Variants in ATRX observed in about 807,000 individuals in gnomAD.
The protein encoded by ATRX is chromatin remodeler ATRX.
ATRX carries 12 observed loss-of-function variants against 172.6 expected under a neutral mutation model. The ratio of observed to expected loss-of-function variants is 0.07; its 90% CI spans 0.04 to 0.11. The LOEUF (loss-of-function observed/expected upper bound fraction) is 0.11. Among genes scored for constraint, ATRX ranks in the 10% least tolerant of loss-of-function variants. The pLI, the probability that ATRX is intolerant of heterozygous loss-of-function variation, is 1.00. For synonymous variants in ATRX, 674 were observed against 594.7 expected (o/e 1.13, Z -1.94); for missense variants, 1,368 against 1,767.4 (o/e 0.77, Z 4.05).
intron 2 of ATRX, among the ~76,000 whole-genome samples, chrX:77,701,881 C>T (rs1351103902): frequency 9.1e-6 from 1 of 109,953 alleles, no homozygotes; most frequent in Non-Finnish European, 1.9e-5. Flanking sequence ...GCCTAGCCAA[C>T]ATGGCAAAAC....
At chrX:77,607,575 A>G (rs2066962946) in intron 22 of ATRX, among the ~76,000 whole-genome samples, 1 of 109,201 alleles carries the variant, frequency 9.2e-6, no homozygotes, top group Non-Finnish European at 1.9e-5. Context: ...TTAGCGGAGC[A>G]TGGTGGTGCA....
In ATRX at chrX:77,520,893, T is replaced by C. The variant is rs2063207760; in HGVS notation, c.7095A>G (p.Ser2365=). The part of the protein sequence containing the change: ...SAVWKENMNL[S]EAQVQALALS... ...ATGCTAACGCCTGTACTTGGGCCTC[T>C]GAGAGATTCATGTTCTCCTTCCACT... The change falls in exon 34 of 35, where the codon TCA becomes TCG. Residue 2365 remains serine, a synonymous_variant. Transcript: ENST00000373344. 2 of 1,209,698 alleles carry C rather than the reference T, an allele frequency of 1.7e-6. No individual in the cohort carries two copies. The highest frequency in any genetic ancestry group is 2.2e-6 in the Non-Finnish European group (2 of 893,553).
At chrX:77,785,455 T>C (rs1557207182) in intron 1 of ATRX, among the ~76,000 whole-genome samples, 2 of 109,016 alleles carry the variant, frequency 1.8e-5, no homozygotes, top group African/African-American at 3.3e-5. Flanking sequence ...AAGGCTTGTC[T>C]CCTGGGGCTG....
chrX:77,546,025 GC>G (rs1299347286), intron 30 of ATRX, among the ~76,000 whole-genome samples: 2 of 111,241 alleles, frequency 1.8e-5, no homozygotes, highest in African/African-American at 3.3e-5. Context: ...ATAACACTGT[GC>G]CTTTCCATAA....
At chrX:77,544,386 T>C (rs1382777137) in intron 30 of ATRX, among the ~76,000 whole-genome samples, 1 of 111,830 alleles carries the variant, frequency 8.9e-6, no homozygotes, top group Non-Finnish European at 1.9e-5. Context: ...TTCCCCCTTC[T>C]GATTAGCTCT....
At chrX:77,620,273 C>G in intron 20 of ATRX, 122 bp downstream of exon 20, 1 of 739,785 alleles carries the variant, frequency 1.4e-6, no homozygotes, top group Non-Finnish European at 2.0e-6. Context: ...TAAGATGAAC[C>G]TATGTAGATC....
intron 19 of ATRX, among the ~76,000 whole-genome samples, chrX:77,630,446 C>T (rs905600143): frequency 8.9e-6 from 1 of 111,768 alleles, no homozygotes; most frequent in African/African-American, 3.2e-5. Context: ...AACTTTGAGA[C>T]AGAAAAATAA....
chrX:77,663,586 C>T (rs1557124241), intron 11 of ATRX, 28 bp from the exon 12 acceptor site: 2 of 1,151,584 alleles, frequency 1.7e-6, no homozygotes, highest in Non-Finnish European at 2.4e-6. Context: ...ATCAATAAAA[C>T]CTTCTTCAGC....
chrX:77,524,110 A>C (rs2063310237), intron 30 of ATRX, among the ~76,000 whole-genome samples: 1 of 111,856 alleles, frequency 8.9e-6, no homozygotes, highest in African/African-American at 3.2e-5. Flanking sequence ...AAGAACAACT[A>C]AACTCCTGCT....
intron 27 of ATRX, among the ~76,000 whole-genome samples, chrX:77,588,650 G>A (rs967893466): frequency 8.1e-5 from 9 of 110,619 alleles, no homozygotes; most frequent in East Asian, 5.7e-4. Context: ...ACAGATCACC[G>A]GAACTATTTT....
intron 1 of ATRX, among the ~76,000 whole-genome samples, chrX:77,775,214 C>T (rs1260346117): frequency 1.8e-5 from 2 of 111,339 alleles, no homozygotes; most frequent in African/African-American, 6.5e-5. Context: ...AAATGTTACC[C>T]CTTGCTGCAT....
intron 27 of ATRX, among the ~76,000 whole-genome samples, chrX:77,576,348 T>C (rs971224209): frequency 9.1e-6 from 1 of 110,037 alleles, no homozygotes; most frequent in African/African-American, 3.3e-5. Flanking sequence ...ATAGTGATAA[T>C]AGAAAAAAAA....
At chrX:77,555,244 G>A (rs995964080) in intron 30 of ATRX, among the ~76,000 whole-genome samples, 5 of 111,730 alleles carry the variant, frequency 4.5e-5, no homozygotes, top group Non-Finnish European at 9.4e-5. Context: ...AAATAGGAAC[G>A]CTTTTACACT....
At chrX:77,582,272 C>T (rs1299172014) in intron 27 of ATRX, among the ~76,000 whole-genome samples, 12 of 108,878 alleles carry the variant, frequency 1.1e-4, no homozygotes, top group Non-Finnish European at 1.5e-4. Context: ...TGGTGGCGGG[C>T]GCCTGTAATC....
At chrX:77,764,604 T>C (rs191628070) in intron 1 of ATRX, among the ~76,000 whole-genome samples, 5 of 112,457 alleles carry the variant, frequency 4.4e-5, no homozygotes, top group Admixed American at 9.5e-5. Flanking sequence ...ATTTTTCATG[T>C]AGAAGGAGTA....
chrX:77,770,291 G>A (rs2076114136), intron 1 of ATRX, among the ~76,000 whole-genome samples: 1 of 108,823 alleles, frequency 9.2e-6, no homozygotes, highest in African/African-American at 3.3e-5. Flanking sequence ...TTTTAGAGAT[G>A]GGGTTTCACC....
chrX:77,507,270 T>C lies in ATRX; in HGVS notation c.*1081A>G, dbSNP rs1455186632. The C allele has an allele frequency of 3.5e-5, 6 of 170,651 alleles. No individual in the cohort carries two copies. The highest frequency in any genetic ancestry group is 6.7e-5 in the Non-Finnish European group (6 of 89,442). The allele number at this position is 170,651 out of a possible 1,213,427, so 14.1% of individuals were successfully genotyped here. On this transcript the variant is annotated 3_prime_UTR_variant, in exon 35 of 35. Transcript: ENST00000373344. ...ATGATGATGAGAGAAAAGAAGCGCATAGAAGCCAGTGATTCTTATCTTTCA... is the reference window on the plus strand; with the variant it reads ...ATGATGATGAGAGAAAAGAAGCGCACAGAAGCCAGTGATTCTTATCTTTCA...
At chrX:77,778,096 C>T (rs1297781158) in intron 1 of ATRX, among the ~76,000 whole-genome samples, 3 of 104,086 alleles carry the variant, frequency 2.9e-5, no homozygotes, top group East Asian at 6.1e-4. Flanking sequence ...GATGGTGCCA[C>T]TGAGCCCGGG....
intron 1 of ATRX, among the ~76,000 whole-genome samples, chrX:77,771,538 T>C (rs1557199131): frequency 9.1e-6 from 1 of 109,888 alleles, no homozygotes; most frequent in Admixed American, 9.8e-5. Context: ...CCACCTAGAA[T>C]ATTTCCCCCT....
Sources: allele counts gnomAD v4.1 joint callset (sites outside exome capture counted in the v4.1 genomes callset), GRCh38; gene constraint gnomAD v4.1.1; transcripts MANE v1.5; gene names NCBI Gene and HGNC (gene_info 2026-07-23, HGNC 2026-07-21).